The following ZCWPW2 variants were observed in gnomAD, a reference collection of about 807,000 sequenced individuals.
ZCWPW2 encodes the protein zinc finger CW-type PWWP domain protein 2.
ZCWPW2 carries 45 observed loss-of-function variants against 46.6 expected under a neutral mutation model. That is an observed-to-expected ratio of 0.96 (90% CI 0.76 to 1.24). ZCWPW2 has a LOEUF of 1.24. Among genes scored for constraint, ZCWPW2 ranks in the 50% most tolerant of loss-of-function variants. The pLI is 0.00. For synonymous variants in ZCWPW2, 152 were observed against 137.1 expected, an observed-to-expected ratio of 1.11 and a Z score of -0.76; for missense variants, 429 against 403.9, an observed-to-expected ratio of 1.06 and a Z score of -0.53.
chr3:28,359,724 A>C (rs1274829654), intron 1 of ZCWPW2, among the ~76,000 whole-genome samples: 1 of 152,150 alleles, frequency 6.6e-6, no homozygotes, highest in African/African-American at 2.4e-5. Context: ...TCAACTATAA[A>C]ATGTAGCATT....
intron 4 of ZCWPW2, among the ~76,000 whole-genome samples, chr3:28,454,512 G>A (rs905871362): frequency 6.6e-6 from 1 of 152,130 alleles, no homozygotes; most frequent in Admixed American, 6.5e-5. Context: ...GGGTACACGT[G>A]TAGGATGTGC....
At chr3:28,353,787 G>A (rs922790867) in intron 1 of ZCWPW2, among the ~76,000 whole-genome samples, 1 of 152,136 alleles carries the variant, frequency 6.6e-6, no homozygotes, top group East Asian at 1.9e-4. Context: ...GTCCTAGAAA[G>A]CCTTTGACAT....
chr3:28,427,289 G>C (rs1697055410), intron 3 of ZCWPW2, among the ~76,000 whole-genome samples: 1 of 152,228 alleles, frequency 6.6e-6, no homozygotes, highest in Admixed American at 6.5e-5. Flanking sequence ...AATGAGGTCA[G>C]TGTAAGGGCA....
intron 2 of ZCWPW2, among the ~76,000 whole-genome samples, chr3:28,403,782 A>G (rs1696042947): frequency 6.6e-6 from 1 of 152,154 alleles, no homozygotes; most frequent in Non-Finnish European, 1.5e-5. Flanking sequence ...CAAAAAAAAC[A>G]TAAAGTGAGG....
intron 1 of ZCWPW2, among the ~76,000 whole-genome samples, chr3:28,363,282 T>A (rs1329847136): frequency 1.3e-5 from 2 of 152,058 alleles, no homozygotes; most frequent in African/African-American, 2.4e-5. Flanking sequence ...TATTTAATAA[T>A]AACGCAATGA....
chr3:28,498,898 T>G (rs1700070910), intron 6 of ZCWPW2, among the ~76,000 whole-genome samples: 1 of 152,072 alleles, frequency 6.6e-6, no homozygotes, highest in African/African-American at 2.4e-5. Flanking sequence ...ACATGTGGTG[T>G]TTGGTTTTCT....
chr3:28,507,442 C>T lies in ZCWPW2; in HGVS notation c.658-6622C>T, dbSNP rs188517766. Among the ~76,000 whole-genome samples the T allele has an allele frequency of 1.3e-3, 189 of 151,134 alleles. 1 individual carries two copies. Among genetic ancestry groups the T allele is most frequent in the African/African-American group, 4.5e-3 (184 of 41,224 alleles). On this transcript the variant is annotated intron_variant, in intron 6 of 9. Coordinates refer to ENST00000383768, the MANE Select transcript of ZCWPW2 (RefSeq NM_001040432.4). ...TAATAACAATATAGAAATAATAGCT[C>T]TACATTGTCTTTGGAGATGGTGGTC...
At chr3:28,414,351 T>A (rs1031555032) in intron 3 of ZCWPW2, among the ~76,000 whole-genome samples, 1 of 151,996 alleles carries the variant, frequency 6.6e-6, no homozygotes, top group Admixed American at 6.6e-5. Flanking sequence ...CTCTTTCTTT[T>A]AATTTTAATT....
intron 2 of ZCWPW2, among the ~76,000 whole-genome samples, chr3:28,396,645 G>C (rs1308766362): frequency 3.3e-5 from 5 of 152,144 alleles, no homozygotes; most frequent in African/African-American, 1.2e-4. Flanking sequence ...TGCATAATCT[G>C]TGATAGCCTG....
rs199776342 is a variant in ZCWPW2 at position 28,472,884 on chromosome 3, AAAAC to A, written c.493-5925_493-5922del. On this transcript the variant is annotated intron_variant, in intron 4 of 9. Transcript: ENST00000383768. ...GCTCAAACAGTTCTATAGGAAAAAAAAAACAAACTAATAATCTAATAAAAAAATG... is the reference window on the plus strand; with the variant it reads ...GCTCAAACAGTTCTATAGGAAAAAAAAAACTAATAATCTAATAAAAAAATG... Among the ~76,000 whole-genome samples the A allele has an allele frequency of 2.1e-4, 32 of 152,196 alleles. No individual in the cohort carries two copies. The East Asian group carries it at 5.6e-3, about 27-fold the overall frequency.
In ZCWPW2 at chr3:28,493,238, C is replaced by T. The variant is rs199589022; in HGVS notation, c.657+1065C>T. ...TATGTATACATGTGCCATGCTGGTGCGCTGCAGCCACTAACGTGTCATCTA... is the reference window on the plus strand; with the variant it reads ...TATGTATACATGTGCCATGCTGGTGTGCTGCAGCCACTAACGTGTCATCTA... On this transcript the variant is annotated intron_variant, in intron 6 of 9. Transcript: ENST00000383768. Among the ~76,000 whole-genome samples, 17 of 138,716 alleles carry T rather than the reference C, an allele frequency of 1.2e-4. No homozygotes were observed. In the East Asian group the frequency reaches 1.5e-3, roughly 12 times the overall value. The allele number at this position is 138,716 out of a possible 152,430, so 91.0% of individuals were successfully genotyped here. A position where few individuals can be genotyped will look rare whatever the true frequency, so the allele number is the denominator to read the frequency against.
intron 1 of ZCWPW2, among the ~76,000 whole-genome samples, chr3:28,355,332 G>T (rs1452331201): frequency 6.6e-6 from 1 of 152,294 alleles, no homozygotes; most frequent in Admixed American, 6.5e-5. Context: ...ACAAACCACT[G>T]CTCAACAAAA....
At chr3:28,374,929 C>T (rs1007325611) in intron 1 of ZCWPW2, among the ~76,000 whole-genome samples, 15 of 151,734 alleles carry the variant, frequency 9.9e-5, no homozygotes, top group African/African-American at 3.4e-4. Flanking sequence ...GTTAAAGTTC[C>T]TTACTATTAT....
chr3:28,392,283 A>G (rs1695522345), intron 2 of ZCWPW2, among the ~76,000 whole-genome samples: 1 of 152,226 alleles, frequency 6.6e-6, no homozygotes, highest in South Asian at 2.1e-4. Flanking sequence ...ATAAATATAT[A>G]TGCACCCAAC....
intron 4 of ZCWPW2, 128 bp from the exon 5 acceptor site, chr3:28,478,686 A>T: frequency 2.3e-6 from 1 of 428,216 alleles, no homozygotes; most frequent in Non-Finnish European, 4.0e-6. Flanking sequence ...TAATAATTAG[A>T]TACGAAAGTC....
At chr3:28,504,684 G>A (rs905658205) in intron 6 of ZCWPW2, among the ~76,000 whole-genome samples, 10 of 152,080 alleles carry the variant, frequency 6.6e-5, no homozygotes, top group African/African-American at 2.4e-4. Flanking sequence ...TAAGATATCT[G>A]TTGTTCTTAG....
At chr3:28,389,425 A>G (rs1323761250) in intron 1 of ZCWPW2, among the ~76,000 whole-genome samples, 3 of 152,320 alleles carry the variant, frequency 2.0e-5, no homozygotes, top group Non-Finnish European at 2.9e-5. Context: ...TGAAGATACT[A>G]TATGCATGGT....
chr3:28,464,887 C>T (rs763768616), intron 4 of ZCWPW2, among the ~76,000 whole-genome samples: 1 of 152,148 alleles, frequency 6.6e-6, no homozygotes, highest in African/African-American at 2.4e-5. Context: ...AGATTTTAGC[C>T]ATGGCTTAAG....
chr3:28,481,477 A>G (rs372285293), intron 5 of ZCWPW2, among the ~76,000 whole-genome samples: 2 of 152,184 alleles, frequency 1.3e-5, no homozygotes, highest in African/African-American at 4.8e-5. Context: ...TCCTGACCTC[A>G]GGTGATCCAC....
Sources: gnomAD v4.1 joint callset for allele counts (sites outside exome capture counted in the v4.1 genomes callset) on GRCh38, gnomAD v4.1.1 for gene constraint, MANE v1.5 for transcripts, NCBI Gene and HGNC (gene_info 2026-07-23, HGNC 2026-07-21) for gene names.